The following LRRTM3 variants were observed in gnomAD, a reference collection of about 807,000 sequenced individuals.
LRRTM3 encodes the protein leucine rich repeat transmembrane neuronal 3.
Under a neutral mutation model 44.7 loss-of-function variants are expected in LRRTM3, and 24 were observed. The ratio of observed to expected loss-of-function variants is 0.54; its 90% CI spans 0.39 to 0.76. LRRTM3 has a LOEUF of 0.76. Among genes scored for constraint, LRRTM3 ranks in the 30% least tolerant of loss-of-function variants. The probability of loss-of-function intolerance (pLI) is 0.00; values close to 1 mark genes in which losing one functional copy is unlikely to be tolerated. For missense variants in LRRTM3, 587 were observed against 702.2 expected, an observed-to-expected ratio of 0.84 and a Z score of 1.85; for synonymous variants, 277 against 278.7, an observed-to-expected ratio of 0.99 and a Z score of 0.06.
At chr10:67,075,283 C>CT (rs769400444) in intron 2 of LRRTM3, among the ~76,000 whole-genome samples, 1 of 151,988 alleles carries the variant, frequency 6.6e-6, no homozygotes, top group Non-Finnish European at 1.5e-5. Flanking sequence ...TCAAAGCCTA[C>CT]TTTATCCATA....
chr10:67,056,148 C>G (rs970772864), intron 2 of LRRTM3, among the ~76,000 whole-genome samples: 3 of 152,152 alleles, frequency 2.0e-5, no homozygotes, highest in Non-Finnish European at 4.4e-5. Flanking sequence ...GAAATACATA[C>G]TGTCGCCCAT....
Position 66,940,000 on chromosome 10 carries a change from T to A in LRRTM3, c.1536+11548T>A, listed in dbSNP as rs1043900339. ...TAAGATAAACCCAGTGGTTACTTAA[T>A]TTTTTTTTTAATTCTTCTTTGTTTT... is the stretch of plus-strand genomic sequence containing the variant. On this transcript the variant is annotated intron_variant, in intron 2 of 2. Transcript: ENST00000361320. 2.0e-5 allele frequency among the ~76,000 whole-genome samples: 3 copies of A among 150,228 alleles called. No homozygotes were observed. In the East Asian group the frequency reaches 5.8e-4, roughly 29 times the overall value.
At chr10:66,976,920 T>A (rs7073258) in intron 2 of LRRTM3, among the ~76,000 whole-genome samples, 4,629 of 152,296 alleles carry the variant, frequency 0.03, 237 homozygotes, top group African/African-American at 0.11. Context: ...GTGCTTATCA[T>A]TTGGTTACTG....
At chr10:66,950,145 C>T (rs1848465480) in intron 2 of LRRTM3, among the ~76,000 whole-genome samples, 1 of 152,140 alleles carries the variant, frequency 6.6e-6, no homozygotes, top group East Asian at 1.9e-4. Context: ...TGGAACATTG[C>T]TTTTTGACAA....
chr10:66,945,310 G>A (rs572159638), intron 2 of LRRTM3, among the ~76,000 whole-genome samples: 81 of 152,228 alleles, frequency 5.3e-4, no homozygotes, highest in Non-Finnish European at 8.1e-4. Context: ...CACTTCAAGC[G>A]TTGTGCTGTT....
In LRRTM3 at chr10:66,927,557, A is replaced by G; in HGVS notation, c.641A>G (p.His214Arg). 1 of 1,614,182 alleles carries G rather than the reference A, an allele frequency of 6.2e-7. No individual in the cohort carries two copies. Among genetic ancestry groups the G allele is most frequent in the Non-Finnish European group, 8.5e-7 (1 of 1,180,036 alleles). Reference sequence around the variant, plus strand: ...AGACTCAAAGAACTTCACCTGGAGCACAATCAATTTTCCAAGCTCAACCTG... The same window carrying G: ...AGACTCAAAGAACTTCACCTGGAGCGCAATCAATTTTCCAAGCTCAACCTG... ...MIRLKELHLE[H>R]NQFSKLNLAL... Residue 214 changes from histidine to arginine, a missense_variant, in exon 2 of 3, where the codon CAC (histidine) becomes CGC (arginine). Transcript: ENST00000361320. This position sits in a 1 kb window ranked among gnomAD's most constrained non-coding sequence, Gnocchi z 4.7.
intron 2 of LRRTM3, among the ~76,000 whole-genome samples, chr10:66,989,475 T>C (rs1012591731): frequency 6.6e-6 from 1 of 152,184 alleles, no homozygotes; most frequent in Non-Finnish European, 1.5e-5. Context: ...TGGAATAAAA[T>C]GAGTGCTGCA....
intron 2 of LRRTM3, among the ~76,000 whole-genome samples, chr10:67,002,557 A>G (rs911353974): frequency 6.6e-6 from 1 of 152,214 alleles, no homozygotes; most frequent in Non-Finnish European, 1.5e-5. Context: ...ATGTTTATTT[A>G]TGACAGTCTA....
At chr10:66,980,072 T>C (rs545627514) in intron 2 of LRRTM3, among the ~76,000 whole-genome samples, 5 of 152,258 alleles carry the variant, frequency 3.3e-5, no homozygotes, top group Non-Finnish European at 7.4e-5. Context: ...AGAATGTACC[T>C]AATAACTTGT....
At chr10:66,952,768 C>T (rs1848599595) in intron 2 of LRRTM3, among the ~76,000 whole-genome samples, 1 of 151,756 alleles carries the variant, frequency 6.6e-6, no homozygotes, top group Non-Finnish European at 1.5e-5. Flanking sequence ...TTGGTTAGTG[C>T]TTATGTCCTA....
chr10:67,003,449 T>C (rs1851793355), intron 2 of LRRTM3, among the ~76,000 whole-genome samples: 1 of 152,110 alleles, frequency 6.6e-6, no homozygotes, highest in South Asian at 2.1e-4. Context: ...CTCAAAAAAA[T>C]CAGAGTGCGG....
intron 2 of LRRTM3, among the ~76,000 whole-genome samples, chr10:66,951,473 C>T (rs2394315): frequency 0.97 from 147,043 of 152,274 alleles, 71,207 homozygotes; most frequent in East Asian, 1. Flanking sequence ...AATGTGTCCC[C>T]TAACGTATTT....
At chr10:67,065,539 A>C (rs2764808) in intron 2 of LRRTM3, among the ~76,000 whole-genome samples, 76,994 of 151,618 alleles carry the variant, frequency 0.51, 19,877 homozygotes, top group Middle Eastern at 0.64. Flanking sequence ...GGCCCACAGG[A>C]AGTATAAGCT....
At position 66,956,491 on chromosome 10, in the gene LRRTM3, A is replaced by G. The variant is rs147851119; in HGVS notation, c.1536+28039A>G. On this transcript the variant is annotated intron_variant, in intron 2 of 2. Coordinates refer to ENST00000361320, the MANE Select transcript of LRRTM3 (RefSeq NM_178011.5). ...TTTGCAAGTTATTGTCATCCAGGCA[A>G]TAAACAATAATTACATTATTTCTAC... Among the ~76,000 whole-genome samples, 58 of 152,236 alleles carry G rather than the reference A, an allele frequency of 3.8e-4. No homozygotes were observed. In the East Asian group the frequency reaches 0.011, roughly 28 times the overall value.
intron 2 of LRRTM3, among the ~76,000 whole-genome samples, chr10:66,982,604 T>C (rs944209759): frequency 6.6e-5 from 10 of 152,190 alleles, no homozygotes; most frequent in African/African-American, 1.9e-4. Context: ...GTACTGAAAT[T>C]AGACAAAGAC....
rs535780327 is a variant in LRRTM3 at position 67,001,508 on chromosome 10, G to A, written c.1536+73056G>A. Among the ~76,000 whole-genome samples, 3 of 151,820 alleles carry A rather than the reference G, an allele frequency of 2.0e-5. No homozygotes were observed. In the South Asian group the frequency reaches 6.3e-4, roughly 32 times the overall value. On this transcript the variant is annotated intron_variant, in intron 2 of 2. Coordinates refer to ENST00000361320, the MANE Select transcript of LRRTM3 (RefSeq NM_178011.5). ...GGGGCACAGACAGGTGGAAAATTTA[G>A]AGGAATATAGAATTTTTCACCAGCT...
chr10:66,986,508 CTAAAA>C (rs1171338168), intron 2 of LRRTM3, among the ~76,000 whole-genome samples: 2 of 148,720 alleles, frequency 1.3e-5, no homozygotes, highest in African/African-American at 2.4e-5. Context: ...CTAAACTAAA[CTAAAA>C]TAAAATAAAG....
At chr10:67,025,066 T>G (rs1461204261) in intron 2 of LRRTM3, among the ~76,000 whole-genome samples, 2 of 144,774 alleles carry the variant, frequency 1.4e-5, no homozygotes, top group African/African-American at 2.6e-5. Context: ...GGAGCGGAGG[T>G]TGCGGTGAGC....
At chr10:67,048,916 A>G (rs1854915846) in intron 2 of LRRTM3, among the ~76,000 whole-genome samples, 1 of 151,994 alleles carries the variant, frequency 6.6e-6, no homozygotes, top group Non-Finnish European at 1.5e-5. Context: ...CACTCATACA[A>G]CTAGTCATTC....
Sources: gnomAD v4.1 joint callset for allele counts (sites outside exome capture counted in the v4.1 genomes callset) on GRCh38, gnomAD v4.1.1 for gene constraint, Gnocchi (gnomAD v3.1) non-coding constraint, MANE v1.5 for transcripts, NCBI Gene and HGNC (gene_info 2026-07-23, HGNC 2026-07-21) for gene names.